CNOT10: variants seen among roughly 807,000 people sequenced by gnomAD.
The protein encoded by CNOT10 is CCR4-NOT transcription complex, subunit 10.
A neutral mutation model predicts 94.6 loss-of-function variants in CNOT10; 30 were observed. That is an observed-to-expected ratio of 0.32 (90% confidence interval 0.24 to 0.43). CNOT10 has a LOEUF of 0.43. CNOT10 is among the 20% of genes least tolerant of loss of function. The pLI, the probability that CNOT10 is intolerant of heterozygous loss-of-function variation, is 1.00. For missense variants in CNOT10, 759 were observed against 877.2 expected (o/e 0.87, Z 1.70); for synonymous variants, 289 against 301.6 (o/e 0.96, Z 0.43).
intron 1 of CNOT10, among the ~76,000 whole-genome samples, chr3:32,701,313 A>T (rs1014021703): frequency 2.0e-5 from 3 of 152,228 alleles, no homozygotes; most frequent in Non-Finnish European, 4.4e-5. Context: ...CAGAAATGTT[A>T]AACTGCATGT....
chr3:32,750,182 C>G (rs1013233556), intron 13 of CNOT10, among the ~76,000 whole-genome samples: 3 of 152,016 alleles, frequency 2.0e-5, no homozygotes, highest in Non-Finnish European at 2.9e-5. Flanking sequence ...GCCTGGATGA[C>G]AAGAGCTAGA....
intron 1 of CNOT10, among the ~76,000 whole-genome samples, chr3:32,702,174 C>T (rs1697383911): frequency 6.6e-6 from 1 of 151,334 alleles, no homozygotes; most frequent in Admixed American, 6.6e-5. Context: ...CAGCTCACTG[C>T]AACCTCTGCC....
At chr3:32,705,668 A>C (rs1697587645) in intron 3 of CNOT10, among the ~76,000 whole-genome samples, 1 of 152,178 alleles carries the variant, frequency 6.6e-6, no homozygotes, top group South Asian at 2.1e-4. Context: ...AAAGTTTTTG[A>C]GTAGTAAGAG....
At chr3:32,703,319 T>TC (rs1171183037) in intron 1 of CNOT10, among the ~76,000 whole-genome samples, 4 of 152,076 alleles carry the variant, frequency 2.6e-5, no homozygotes, top group Non-Finnish European at 5.9e-5. Context: ...TATACAGTAG[T>TC]CCCCCACCTT....
chr3:32,751,946 A>C (rs867138973), intron 13 of CNOT10, among the ~76,000 whole-genome samples: 8 of 152,166 alleles, frequency 5.3e-5, no homozygotes, highest in Non-Finnish European at 1.0e-4. Context: ...TCTGCCTCCA[A>C]GGATCTCATT....
chr3:32,758,519 A>C (rs1363620649), intron 13 of CNOT10, among the ~76,000 whole-genome samples: 1 of 152,222 alleles, frequency 6.6e-6, no homozygotes, highest in African/African-American at 2.4e-5. Flanking sequence ...TACTGGTTAC[A>C]TTCTTCCTTA....
At chr3:32,692,050 C>G (rs1696871824) in intron 1 of CNOT10, among the ~76,000 whole-genome samples, 1 of 130,564 alleles carries the variant, frequency 7.7e-6, no homozygotes, top group Non-Finnish European at 1.6e-5. Flanking sequence ...GACCCTGTCA[C>G]CAAAAAAAAA....
intron 4 of CNOT10, among the ~76,000 whole-genome samples, chr3:32,709,718 T>C (rs1697785572): frequency 1.3e-5 from 2 of 152,212 alleles, no homozygotes. Flanking sequence ...ATTATGTAAT[T>C]AGTGACCAGG....
At chr3:32,754,254 G>T (rs2125618914) in intron 13 of CNOT10, among the ~76,000 whole-genome samples, 1 of 151,328 alleles carries the variant, frequency 6.6e-6, no homozygotes, top group African/African-American at 2.4e-5. Flanking sequence ...GAGGTGGGAG[G>T]ATCATGAGGT....
chr3:32,744,259 T>C (rs1699601216), intron 13 of CNOT10, among the ~76,000 whole-genome samples: 1 of 152,188 alleles, frequency 6.6e-6, no homozygotes, highest in African/African-American at 2.4e-5. Context: ...ACCTGAACTC[T>C]TTTAGATTAT....
chr3:32,754,140 G>A (rs930988970), intron 13 of CNOT10, among the ~76,000 whole-genome samples: 1 of 151,560 alleles, frequency 6.6e-6, no homozygotes, highest in Admixed American at 6.6e-5. Context: ...AACATTTTTT[G>A]GATTATTGTA....
intron 13 of CNOT10, among the ~76,000 whole-genome samples, chr3:32,755,774 T>C (rs755876140): frequency 2.0e-5 from 3 of 150,886 alleles, no homozygotes; most frequent in Non-Finnish European, 3.0e-5. Context: ...TTTTTTTTCT[T>C]CTTTTTTTAT....
rs1027647550 is a variant in CNOT10, at chr3:32,727,703, C to T, written c.1048C>T (p.Leu350=). Reference sequence around the variant, plus strand: ...TTCAGGAAGACCCATGTGTACGTTACTAACCAATAAGAGATATGAGTTGCT... The same window carrying T: ...TTCAGGAAGACCCATGTGTACGTTATTAACCAATAAGAGATATGAGTTGCT... ...KFSGRPMCTL[L]TNKRYELLYN... The change falls in exon 10 of 19, where the codon CTA becomes TTA. Residue 350 remains leucine, a synonymous_variant. Transcript: ENST00000328834. The T allele has an allele frequency of 1.9e-6, 3 of 1,613,928 alleles. No homozygotes were observed. Among genetic ancestry groups the T allele is most frequent in the Non-Finnish European group, 8.5e-7 (1 of 1,179,880 alleles).
chr3:32,690,383 T>TTTTTG (rs950242155), intron 1 of CNOT10, among the ~76,000 whole-genome samples: 5 of 152,072 alleles, frequency 3.3e-5, no homozygotes, highest in Non-Finnish European at 5.9e-5. Flanking sequence ...TTTTTTGGTT[T>TTTTTG]TTTTGTTTTG....
In CNOT10 at chr3:32,773,671, G is replaced by A. The variant is rs1701006296; in HGVS notation, c.*60G>A. 9 of 1,512,318 alleles carry A rather than the reference G, an allele frequency of 6.0e-6. No homozygotes were observed. Among genetic ancestry groups the A allele is most frequent in the Non-Finnish European group, 8.1e-6 (9 of 1,114,584 alleles). The allele number at this position is 1,512,318 out of a possible 1,614,324, so 93.7% of individuals were successfully genotyped here. ...AGGGGAGAATTTACTGGCCATTTTA[G>A]TTGTATCACAGCAGAATGAATAAAA... On this transcript the variant is annotated 3_prime_UTR_variant, in exon 19 of 19. Coordinates refer to ENST00000328834, the MANE Select transcript of CNOT10 (RefSeq NM_015442.3).
In CNOT10 at chr3:32,754,644, T is replaced by C. The variant is rs181722312; in HGVS notation, c.1596-4814T>C. On this transcript the variant is annotated intron_variant, in intron 13 of 18. Transcript: ENST00000328834. ...AAGCAATTCTTCTGCCTCGACCTCC[T>C]GAGTAGCTGGGACTACAGGGGCATG... Among the ~76,000 whole-genome samples, 281 of 142,966 alleles carry C rather than the reference T, an allele frequency of 2.0e-3. 1 individual carries two copies. The highest frequency in any genetic ancestry group is 5.0e-3 in the African/African-American group (191 of 38,040). 93.8% of individuals were successfully genotyped at this position (142,966 alleles called of 152,430 possible).
At chr3:32,688,047 G>A (rs149718822) in intron 1 of CNOT10, among the ~76,000 whole-genome samples, 1 of 152,290 alleles carries the variant, frequency 6.6e-6, no homozygotes, top group African/African-American at 2.4e-5. Context: ...CTTAAGGTGA[G>A]TGATCTGATC....
Position 32,704,841 on chromosome 3 carries a change from C to A in CNOT10, c.148C>A (p.Leu50Ile). ...AAATTATGATGCCTGTCTACAACACCTTGCCTGTCTACAAGATATAAACAA... is the reference window on the plus strand; with the variant it reads ...AAATTATGATGCCTGTCTACAACACATTGCCTGTCTACAAGATATAAACAA... ...SGNYDACLQHLACLQDINKDD... is the reference protein window; with the variant it reads ...SGNYDACLQHIACLQDINKDD... The change falls in exon 3 of 19, where the codon CTT becomes ATT. Residue 50 changes from leucine (L) to isoleucine (I), a missense_variant. This residue lies in a region of CNOT10 where 682 missense variants were observed against 799.4 expected (regional missense o/e 0.85). Coordinates refer to ENST00000328834, the MANE Select transcript of CNOT10 (RefSeq NM_015442.3). 2 of 1,565,882 alleles carry A rather than the reference C, an allele frequency of 1.3e-6. No homozygotes were observed. Among genetic ancestry groups the A allele is most frequent in the Non-Finnish European group, 1.7e-6 (2 of 1,165,522 alleles).
At chr3:32,727,525 C>T (rs1296776233) in intron 9 of CNOT10, 143 bp from the exon 10 acceptor site, 1 of 622,864 alleles carries the variant, frequency 1.6e-6, no homozygotes, top group Non-Finnish European at 2.8e-6. Flanking sequence ...ATGGAGACCA[C>T]CATTGGCGAG....
Sources: gnomAD v4.1 joint callset for allele counts (sites outside exome capture counted in the v4.1 genomes callset) on GRCh38, gnomAD v4.1.1 for gene constraint, gnomAD v4.1.1 regional missense constraint, MANE v1.5 for transcripts, NCBI Gene and HGNC (gene_info 2026-07-23, HGNC 2026-07-21) for gene names.